GUCY1A2: variants seen among roughly 807,000 people sequenced by gnomAD.
GUCY1A2 encodes the protein guanylate cyclase soluble subunit alpha-2.
In GUCY1A2, 27 loss-of-function variants were observed where a neutral mutation model predicts 63.5. The observed-to-expected ratio is 0.43, with a 90% CI of 0.31 to 0.59. GUCY1A2 has a LOEUF of 0.59. Among genes scored for constraint, GUCY1A2 ranks in the 20% least tolerant of loss-of-function variants. The pLI, the probability that GUCY1A2 is intolerant of heterozygous loss-of-function variation, is 0.11. For synonymous variants in GUCY1A2, 364 were observed against 343.5 expected (o/e 1.06, Z -0.66); for missense variants, 768 against 913.3 (o/e 0.84, Z 2.05).
At chr11:106,748,358 G>T (rs915711920) in intron 6 of GUCY1A2, among the ~76,000 whole-genome samples, 4 of 152,164 alleles carry the variant, frequency 2.6e-5, no homozygotes, top group African/African-American at 9.7e-5. Flanking sequence ...TACCTATAGG[G>T]TAACATCTAG....
intron 4 of GUCY1A2, among the ~76,000 whole-genome samples, chr11:106,831,183 A>G (rs1245028501): frequency 1.3e-5 from 2 of 152,218 alleles, no homozygotes; most frequent in South Asian, 2.1e-4. Flanking sequence ...ACAGTTTTAT[A>G]AAGCATAAAA....
intron 5 of GUCY1A2, among the ~76,000 whole-genome samples, chr11:106,799,890 T>C (rs1484681753): frequency 6.6e-6 from 1 of 152,082 alleles, no homozygotes; most frequent in Admixed American, 6.5e-5. Context: ...AATTGACAAA[T>C]GGGATCTAAT....
chr11:106,870,396 T>C (rs1303863811), intron 4 of GUCY1A2, among the ~76,000 whole-genome samples: 3 of 152,150 alleles, frequency 2.0e-5, no homozygotes, highest in African/African-American at 7.2e-5. Context: ...TTTATAAATA[T>C]ATTTTATTTT....
intron 4 of GUCY1A2, among the ~76,000 whole-genome samples, chr11:106,851,020 T>G (rs977982420): frequency 1.3e-5 from 2 of 152,026 alleles, no homozygotes; most frequent in Non-Finnish European, 2.9e-5. Flanking sequence ...TTTGTCTTTT[T>G]GATAATAGCC....
At chr11:106,911,552 C>G (rs942774975) in intron 4 of GUCY1A2, among the ~76,000 whole-genome samples, 3 of 151,988 alleles carry the variant, frequency 2.0e-5, no homozygotes, top group Admixed American at 2.0e-4. Flanking sequence ...GACAATTATC[C>G]TTTAAATGCC....
chr11:106,923,557 T>C (rs546614689), intron 4 of GUCY1A2, among the ~76,000 whole-genome samples: 1 of 152,296 alleles, frequency 6.6e-6, no homozygotes, highest in Admixed American at 6.5e-5. Context: ...TATGACATTA[T>C]GTACAAGTTT....
chr11:106,736,317 G>C (rs145100871), intron 6 of GUCY1A2, among the ~76,000 whole-genome samples: 85 of 152,212 alleles, frequency 5.6e-4, no homozygotes, highest in Non-Finnish European at 1.0e-3. Flanking sequence ...CCTATGGTGA[G>C]AGACAGTGGT....
intron 5 of GUCY1A2, among the ~76,000 whole-genome samples, chr11:106,777,222 C>T (rs575588985): frequency 6.6e-6 from 1 of 152,180 alleles, no homozygotes; most frequent in East Asian, 1.9e-4. Context: ...GAGGTTGAGG[C>T]AGCGGATCAC....
intron 4 of GUCY1A2, among the ~76,000 whole-genome samples, chr11:106,937,097 A>G (rs1860689613): frequency 6.6e-6 from 1 of 152,190 alleles, no homozygotes; most frequent in Admixed American, 6.5e-5. Context: ...CATAGTATCA[A>G]TTTGGGGCAA....
In GUCY1A2 at chr11:106,685,949, T is replaced by C. The variant is rs965045853; in HGVS notation, c.*1600A>G. ...ATTTAAAAACATTAAATGAACCTCA[T>C]AGACTACATTGGAAATTAGTAAATA... On this transcript the variant is annotated 3_prime_UTR_variant, in exon 8 of 8. Transcript: ENST00000526355. 4.9e-5 allele frequency: 11 copies of C among 223,014 alleles called. No individual in the cohort carries two copies. The highest frequency in any genetic ancestry group is 9.0e-5 in the Non-Finnish European group (10 of 111,632). The allele number at this position is 223,014 out of a possible 1,614,324, so 13.8% of individuals were successfully genotyped here. A position where few individuals can be genotyped will look rare whatever the true frequency, so the allele number is the denominator to read the frequency against.
At chr11:106,856,329 C>T (rs1171384579) in intron 4 of GUCY1A2, among the ~76,000 whole-genome samples, 1 of 151,936 alleles carries the variant, frequency 6.6e-6, no homozygotes, top group East Asian at 1.9e-4. Flanking sequence ...AAAATTATTC[C>T]GTCTTCACAT....
At chr11:106,751,412 C>T (rs1457615888) in intron 6 of GUCY1A2, among the ~76,000 whole-genome samples, 4 of 151,974 alleles carry the variant, frequency 2.6e-5, no homozygotes, top group African/African-American at 7.2e-5. Flanking sequence ...AAGTTTTATT[C>T]TCCTGTGGTT....
At position 106,917,348 on chromosome 11, in the gene GUCY1A2, T is replaced by C. The variant is rs984084140; in HGVS notation, c.1206+22112A>G. The stretch of plus-strand genomic sequence containing the variant: ...TGGGGCAGCTGGATGAGACTGCTTA[T>C]GGTACAGAGTGACAAGACAAGGGGT... On this transcript the variant is annotated intron_variant, in intron 4 of 7. Transcript: ENST00000526355. 1.0e-4 allele frequency among the ~76,000 whole-genome samples: 15 copies of C among 145,644 alleles called. 2 individuals carry two copies. Among genetic ancestry groups the C allele is most frequent in the Non-Finnish European group, 7.7e-5 (5 of 64,852 alleles).
intron 7 of GUCY1A2, among the ~76,000 whole-genome samples, chr11:106,703,748 A>G (rs534717294): frequency 5.3e-5 from 8 of 152,174 alleles, no homozygotes; most frequent in Non-Finnish European, 1.2e-4. Context: ...CTAATTAGTA[A>G]GCAATCACAT....
At chr11:106,709,407 A>G (rs1344719976) in intron 6 of GUCY1A2, among the ~76,000 whole-genome samples, 2 of 94,426 alleles carry the variant, frequency 2.1e-5, no homozygotes, top group African/African-American at 8.8e-5. Flanking sequence ...ATTATATATT[A>G]TACTATGTAT....
At chr11:106,827,531 A>C in intron 4 of GUCY1A2, 2 of 1,475,446 alleles carry the variant, frequency 1.4e-6, no homozygotes, top group Non-Finnish European at 1.9e-6. Context: ...TTTCCTTCAC[A>C]TATCAACTTT....
intron 4 of GUCY1A2, among the ~76,000 whole-genome samples, chr11:106,836,345 A>G (rs905854541): frequency 5.9e-5 from 9 of 152,126 alleles, no homozygotes; most frequent in African/African-American, 2.2e-4. Context: ...GAAAAATAAA[A>G]TGTTATTAAG....
chr11:106,924,639 T>C (rs892573826), intron 4 of GUCY1A2, among the ~76,000 whole-genome samples: 15 of 152,146 alleles, frequency 9.9e-5, no homozygotes, highest in African/African-American at 3.6e-4. Context: ...ACCTCACATA[T>C]TTGCAACGGG....
At chr11:106,710,491 A>G (rs1863097903) in intron 6 of GUCY1A2, among the ~76,000 whole-genome samples, 1 of 148,976 alleles carries the variant, frequency 6.7e-6, no homozygotes, top group South Asian at 2.1e-4. Context: ...ATTCAACATT[A>G]GTGATAAATG....
Sources: gnomAD v4.1 joint callset for allele counts (sites outside exome capture counted in the v4.1 genomes callset) on GRCh38, gnomAD v4.1.1 for gene constraint, MANE v1.5 for transcripts, NCBI Gene and HGNC (gene_info 2026-07-23, HGNC 2026-07-21) for gene names.